XKR6: variants seen among roughly 807,000 people sequenced by gnomAD.
The protein encoded by XKR6 is XK-related protein 6.
A neutral mutation model predicts 56.7 loss-of-function variants in XKR6; 22 were observed. That is an observed-to-expected ratio of 0.39 (90% CI 0.28 to 0.55). XKR6 has a LOEUF of 0.55. XKR6 is among the 20% of genes least tolerant of loss of function. The pLI, the probability that XKR6 is intolerant of heterozygous loss-of-function variation, is 0.66. For synonymous variants in XKR6, 524 were observed against 387.8 expected, an observed-to-expected ratio of 1.35 and a Z score of -4.13; for missense variants, 852 against 889.0, an observed-to-expected ratio of 0.96 and a Z score of 0.53.
intron 1 of XKR6, among the ~76,000 whole-genome samples, chr8:11,196,601 C>G (rs894810308): frequency 2.0e-5 from 3 of 152,204 alleles, no homozygotes; most frequent in African/African-American, 4.8e-5. Context: ...TCATTCCTTT[C>G]CCAATTCTGC....
chr8:11,180,559 C>T (rs1241179752), intron 1 of XKR6, among the ~76,000 whole-genome samples: 1 of 152,180 alleles, frequency 6.6e-6, no homozygotes, highest in South Asian at 2.1e-4. Flanking sequence ...GCATGTGCAA[C>T]AGCATGGAGA....
chr8:11,050,088 G>C (rs569251858), intron 1 of XKR6, among the ~76,000 whole-genome samples: 1 of 152,316 alleles, frequency 6.6e-6, no homozygotes, highest in South Asian at 2.1e-4. Context: ...TTGCAAAACA[G>C]AAACATTTAC....
chr8:11,059,303 TGAAG>T (rs1236845688), intron 1 of XKR6, among the ~76,000 whole-genome samples: 4 of 151,706 alleles, frequency 2.6e-5, no homozygotes, highest in African/African-American at 7.3e-5. Context: ...AGCGAATGAA[TGAAG>T]GAACGAATGA....
At chr8:11,030,201 G>A (rs923310687) in intron 1 of XKR6, among the ~76,000 whole-genome samples, 8 of 152,078 alleles carry the variant, frequency 5.3e-5, no homozygotes, top group African/African-American at 1.7e-4. Context: ...CCACCTCCGC[G>A]TGGCTCCACA....
In XKR6 at chr8:10,896,261, C is replaced by T. The variant is rs1200153023; in HGVS notation, c.*1691G>A. The T allele has an allele frequency of 1.3e-5, 2 of 152,274 alleles. No individual in the cohort carries two copies. The highest frequency in any genetic ancestry group is 4.8e-5 in the African/African-American group (2 of 41,302). The allele number at this position is 152,274 out of a possible 1,614,324, so 9.4% of individuals were successfully genotyped here. ...AAAAAAATTTAAATCGTTGAACATA[C>T]TTGCAACACCTGCAGAAATTCAACT... is the stretch of plus-strand genomic sequence containing the variant. On this transcript the variant is annotated 3_prime_UTR_variant, in exon 3 of 3. Coordinates refer to ENST00000416569, the MANE Select transcript of XKR6 (RefSeq NM_173683.4).
intron 1 of XKR6, among the ~76,000 whole-genome samples, chr8:10,968,518 T>C (rs1485369761): frequency 6.6e-6 from 1 of 152,178 alleles, no homozygotes; most frequent in Non-Finnish European, 1.5e-5. Context: ...TCATTCTGGA[T>C]TGCAGTGACC....
intron 1 of XKR6, chr8:11,111,612 G>A (rs1264982332): frequency 1.3e-5 from 2 of 152,058 alleles, no homozygotes; most frequent in African/African-American, 4.8e-5. Flanking sequence ...AACTTCCTGG[G>A]AAAAATGAGG....
At chr8:11,182,522 TA>T (rs1803043940) in intron 1 of XKR6, among the ~76,000 whole-genome samples, 1 of 152,256 alleles carries the variant, frequency 6.6e-6, no homozygotes. Flanking sequence ...AGGACACTGA[TA>T]AGAGGCATAT....
intron 1 of XKR6, among the ~76,000 whole-genome samples, chr8:11,142,129 A>G (rs1800734432): frequency 6.6e-6 from 1 of 152,188 alleles, no homozygotes; most frequent in African/African-American, 2.4e-5. Flanking sequence ...ACACACACAT[A>G]CATTTCAGCC....
At chr8:11,083,256 A>T (rs922787788) in intron 1 of XKR6, among the ~76,000 whole-genome samples, 2 of 151,868 alleles carry the variant, frequency 1.3e-5, no homozygotes, top group Non-Finnish European at 2.9e-5. Context: ...GAGTTCAGTG[A>T]CTCCCTGGAA....
At chr8:11,005,645 T>C (rs1798350726) in intron 1 of XKR6, among the ~76,000 whole-genome samples, 1 of 152,112 alleles carries the variant, frequency 6.6e-6, no homozygotes, top group Admixed American at 6.5e-5. Flanking sequence ...GATGTGTTCG[T>C]TAAGGAAAAA....
chr8:10,974,954 A>G (rs1229362394), intron 1 of XKR6, among the ~76,000 whole-genome samples: 2 of 152,252 alleles, frequency 1.3e-5, no homozygotes, highest in African/African-American at 4.8e-5. Flanking sequence ...ACAAATGGTT[A>G]AAATGATAAA....
At chr8:10,953,801 C>T (rs981291394) in intron 1 of XKR6, among the ~76,000 whole-genome samples, 16 of 152,332 alleles carry the variant, frequency 1.1e-4, no homozygotes, top group African/African-American at 3.8e-4. Flanking sequence ...CCTGGACTCA[C>T]AAGCAGCTGC....
chr8:11,001,603 G>A (rs60599737), intron 1 of XKR6, among the ~76,000 whole-genome samples: 8,618 of 152,286 alleles, frequency 0.057, 809 homozygotes, highest in African/African-American at 0.2. Flanking sequence ...CCCTGCCTCT[G>A]GACTACCCAA....
At chr8:10,901,670 T>C (rs1337770181) in intron 2 of XKR6, among the ~76,000 whole-genome samples, 1 of 152,136 alleles carries the variant, frequency 6.6e-6, no homozygotes, top group Non-Finnish European at 1.5e-5. Flanking sequence ...GAAGAAGGCT[T>C]GATTGTTGTG....
At chr8:10,913,505 A>G (rs11250088) in intron 2 of XKR6, among the ~76,000 whole-genome samples, 40,448 of 151,870 alleles carry the variant, frequency 0.27, 6,140 homozygotes, top group African/African-American at 0.4. Context: ...TGGAGGCCAT[A>G]TGCACCCCCC....
Position 11,200,193 on chromosome 8 carries a change from G to A in XKR6, c.764+383C>T, listed in dbSNP as rs1015161033. Among the ~76,000 whole-genome samples, 14 of 152,226 alleles carry A rather than the reference G, an allele frequency of 9.2e-5. No individual in the cohort carries two copies. Among genetic ancestry groups the A allele is most frequent in the African/African-American group, 3.4e-4 (14 of 41,464 alleles). Reference sequence around the variant, plus strand: ...AACAAACCCGAATGCAGCGGCTGGAGGAGGGAAGGCTCCCCGGGGCCGCGA... The same window carrying A: ...AACAAACCCGAATGCAGCGGCTGGAAGAGGGAAGGCTCCCCGGGGCCGCGA... On this transcript the variant is annotated intron_variant, in intron 1 of 2. Transcript: ENST00000416569. This position sits in a 1 kb window ranked among gnomAD's most constrained non-coding sequence, Gnocchi z 6.4.
intron 1 of XKR6, among the ~76,000 whole-genome samples, chr8:11,028,777 C>A (rs1302410080): frequency 6.6e-6 from 1 of 152,184 alleles, no homozygotes; most frequent in East Asian, 1.9e-4. Flanking sequence ...TATCTTGTCC[C>A]ATTGACCCTC....
chr8:11,059,940 C>G (rs1340232163), intron 1 of XKR6, among the ~76,000 whole-genome samples: 1 of 152,230 alleles, frequency 6.6e-6, no homozygotes, highest in African/African-American at 2.4e-5. Context: ...TTCACAAAAT[C>G]TCTAAGTCCA....
Sources: allele counts gnomAD v4.1 joint callset (sites outside exome capture counted in the v4.1 genomes callset), GRCh38; gene constraint gnomAD v4.1.1; non-coding constraint Gnocchi (gnomAD v3.1); transcripts MANE v1.5; gene names NCBI Gene and HGNC (gene_info 2026-07-23, HGNC 2026-07-21).